Variants in CHL1 observed in about 807,000 individuals in gnomAD.
CHL1 encodes neural cell adhesion molecule L1-like protein.
Under a neutral mutation model 141.9 loss-of-function variants are expected in CHL1, and 96 were observed. That is an observed-to-expected ratio of 0.68 (90% CI 0.57 to 0.80). CHL1 has a LOEUF of 0.80. Among genes scored for constraint, CHL1 ranks in the 30% least tolerant of loss-of-function variants. The probability of loss-of-function intolerance (pLI) is 0.00; values close to 1 mark genes in which losing one functional copy is unlikely to be tolerated. For missense variants in CHL1, 1,820 were observed against 1,457.2 expected (o/e 1.25, Z -4.05); for synonymous variants, 613 against 502.2 (o/e 1.22, Z -2.95).
chr3:377,830 T>C lies in CHL1; in HGVS notation c.1764T>C (p.Asp588=), dbSNP rs376817186. The change falls in exon 16 of 28, where the codon GAT becomes GAC. Residue 588 remains aspartate (D), a synonymous_variant. Coordinates refer to ENST00000256509, the MANE Select transcript of CHL1 (RefSeq NM_006614.4). ...NGTEDGRIII[D]GANLTISNVT... is the part of the protein sequence containing the mutation. ...TTTTTTCTGATAGGATAATTATTGA[T>C]GGAGCTAATTTGACCATATCTAATG... 3 of 1,605,996 alleles carry C rather than the reference T, an allele frequency of 1.9e-6. No individual in the cohort carries two copies. Among genetic ancestry groups the C allele is most frequent in the Non-Finnish European group, 2.6e-6 (3 of 1,174,554 alleles).
rs1695246752 is a variant in CHL1, at chr3:267,348, TGC to T, written c.-95+22657_-95+22658del. ...TCCTTGCCCTCATAGCAACTTCCTC[TGC>T]ATAAGATCCTAATTAACCACCATAA... is the stretch of plus-strand genomic sequence containing the variant. On this transcript the variant is annotated intron_variant, in intron 2 of 27. Transcript: ENST00000256509. Among the ~76,000 whole-genome samples the T allele has an allele frequency of 2.6e-5, 4 of 152,336 alleles. No individual in the cohort carries two copies. In the South Asian group the frequency reaches 8.3e-4, roughly 32 times the overall value.
chr3:204,241 G>T (rs1044223612), intron 1 of CHL1, among the ~76,000 whole-genome samples: 7 of 152,336 alleles, frequency 4.6e-5, no homozygotes, highest in South Asian at 2.1e-4. Flanking sequence ...TTTAGCAGAG[G>T]TTCCTCCCTA....
At chr3:222,324 T>C (rs770284395) in intron 1 of CHL1, among the ~76,000 whole-genome samples, 18 of 152,154 alleles carry the variant, frequency 1.2e-4, no homozygotes, top group Non-Finnish European at 2.5e-4. Flanking sequence ...ACGGTCCTGT[T>C]GGAGCTCAGG....
At chr3:277,581 T>A (rs1696259400) in intron 2 of CHL1, among the ~76,000 whole-genome samples, 1 of 152,210 alleles carries the variant, frequency 6.6e-6, no homozygotes, top group Non-Finnish European at 1.5e-5. Context: ...ATACTCACTG[T>A]ACTTGGGATT....
chr3:308,786 T>TC (rs1699478787), intron 2 of CHL1: 1 of 157,620 alleles, frequency 6.3e-6, no homozygotes, highest in Non-Finnish European at 1.5e-5. Flanking sequence ...CGTGTAGCCC[T>TC]CTGCTCAGCA....
chr3:276,840 G>T (rs536193111), intron 2 of CHL1, among the ~76,000 whole-genome samples: 2 of 134,750 alleles, frequency 1.5e-5, no homozygotes, highest in East Asian at 4.6e-4. Context: ...AGAGAGCCGA[G>T]ATCATGCCAC....
chr3:373,311 G>T (rs1051192137), intron 15 of CHL1, among the ~76,000 whole-genome samples: 2 of 152,222 alleles, frequency 1.3e-5, no homozygotes, highest in African/African-American at 4.8e-5. Context: ...GGAGTTATTG[G>T]AGTTCCTGCA....
intron 2 of CHL1, among the ~76,000 whole-genome samples, chr3:310,300 G>A (rs1014142012): frequency 9.9e-5 from 15 of 152,044 alleles, no homozygotes; most frequent in African/African-American, 1.4e-4. Flanking sequence ...ATGTGGTGGC[G>A]GATGCCTATA....
chr3:225,459 A>G (rs1390250650), intron 1 of CHL1, among the ~76,000 whole-genome samples: 3 of 152,238 alleles, frequency 2.0e-5, no homozygotes, highest in African/African-American at 7.2e-5. Context: ...CCAATAAGGT[A>G]GGACTTGGGT....
At chr3:256,538 G>A (rs1034709704) in intron 2 of CHL1, among the ~76,000 whole-genome samples, 1 of 152,182 alleles carries the variant, frequency 6.6e-6, no homozygotes, top group Non-Finnish European at 1.5e-5. Flanking sequence ...AGCTGTTAAC[G>A]CTAATGAGGG....
rs546407588 is a variant in CHL1 at position 223,314 on chromosome 3, A to G, written c.-174-21299A>G. On this transcript the variant is annotated intron_variant, in intron 1 of 27. Transcript: ENST00000256509. ...TGTTATAGGAATACAAATTTGCACT[A>G]TGAAGTTAATATTAGAAGATAAACA... is the stretch of plus-strand genomic sequence containing the variant. Among the ~76,000 whole-genome samples, 6 of 152,332 alleles carry G rather than the reference A, an allele frequency of 3.9e-5. No homozygotes were observed. The East Asian group carries it at 5.8e-4, about 15-fold the overall frequency.
At chr3:340,505 C>A (rs1013764403) in intron 5 of CHL1, among the ~76,000 whole-genome samples, 1 of 152,158 alleles carries the variant, frequency 6.6e-6, no homozygotes. Flanking sequence ...GGGTTTATAT[C>A]TCTGCTCAGA....
At chr3:405,356 G>A in intron 27 of CHL1, 139 bp from the exon 28 acceptor site, 1 of 605,606 alleles carries the variant, frequency 1.7e-6, no homozygotes, top group Non-Finnish European at 2.9e-6. Context: ...GTAGTATCAT[G>A]TGGGCTTTAC....
chr3:309,146 C>G (rs1486562825), intron 2 of CHL1: 1 of 152,614 alleles, frequency 6.6e-6, no homozygotes, highest in Non-Finnish European at 1.5e-5. Context: ...CCGGGTCCAG[C>G]CTCAGAGCCC....
chr3:340,888 A>C lies in CHL1; in HGVS notation c.480A>C (p.Pro160=). ...VLPCNPPKGL[P]PLHIYWMNIE... is the part of the protein sequence containing the mutation. The stretch of plus-strand genomic sequence containing the variant: ...CATGCAATCCTCCCAAAGGCCTCCC[A>C]CCTTTACACATTTATTGGATGAATA... Residue 160 remains proline, a synonymous_variant, in exon 6 of 28, where the codon CCA becomes CCC. Coordinates refer to ENST00000256509, the MANE Select transcript of CHL1 (RefSeq NM_006614.4). The C allele has an allele frequency of 6.2e-7, 1 of 1,612,908 alleles. No individual in the cohort carries two copies.
At chr3:280,698 A>T (rs1696562894) in intron 2 of CHL1, among the ~76,000 whole-genome samples, 1 of 152,124 alleles carries the variant, frequency 6.6e-6, no homozygotes, top group South Asian at 2.1e-4. Flanking sequence ...CCACCAACAA[A>T]ATACCTTTTT....
intron 2 of CHL1, among the ~76,000 whole-genome samples, chr3:295,634 C>T (rs1031014356): frequency 6.6e-6 from 1 of 152,084 alleles, no homozygotes; most frequent in Admixed American, 6.5e-5. Context: ...AAAGTTAGCA[C>T]CACTCTAAAA....
chr3:335,158 G>T (rs1171324627), intron 5 of CHL1, among the ~76,000 whole-genome samples: 1 of 152,188 alleles, frequency 6.6e-6, no homozygotes, highest in Non-Finnish European at 1.5e-5. Flanking sequence ...GATTTTGGAG[G>T]GGGAGTGTAG....
intron 2 of CHL1, among the ~76,000 whole-genome samples, chr3:293,888 AG>A (rs1042295100): frequency 4.3e-4 from 64 of 150,544 alleles, no homozygotes; most frequent in Non-Finnish European, 8.7e-4. Flanking sequence ...CAGCCTCCTG[AG>A]TAGCTGGGAT....
Sources: gnomAD v4.1 joint callset for allele counts (sites outside exome capture counted in the v4.1 genomes callset) on GRCh38, gnomAD v4.1.1 for gene constraint, MANE v1.5 for transcripts, NCBI Gene and HGNC (gene_info 2026-07-23, HGNC 2026-07-21) for gene names.